Variants in CDKL1 observed in about 807,000 individuals in gnomAD.
CDKL1 encodes cyclin-dependent kinase-like 1.
Under a neutral mutation model 42.0 loss-of-function variants are expected in CDKL1, and 41 were observed. The observed-to-expected ratio is 0.98, with a 90% CI of 0.76 to 1.27. The LOEUF is 1.27. Ranked by LOEUF, CDKL1 falls within the 50% of genes most tolerant of loss-of-function variation. The pLI, the probability that CDKL1 is intolerant of heterozygous loss-of-function variation, is 0.00. For missense variants in CDKL1, 394 were observed against 428.4 expected, an observed-to-expected ratio of 0.92 and a Z score of 0.71; for synonymous variants, 153 against 158.6, an observed-to-expected ratio of 0.96 and a Z score of 0.26.
chr14:50,359,011 A>G lies in CDKL1; in HGVS notation c.290+17T>C. Reference sequence around the variant, plus strand: ...CCAGTGTGTCTTTGTTTTGCTTGTAAGGGATGGATCACTCACCCTCTTTGG... The same window carrying G: ...CCAGTGTGTCTTTGTTTTGCTTGTAGGGGATGGATCACTCACCCTCTTTGG... On this transcript the variant is annotated intron_variant, in intron 3 of 9. Coordinates refer to ENST00000395834, the MANE Select transcript of CDKL1 (RefSeq NM_004196.7). The G allele has an allele frequency of 6.2e-7, 1 of 1,603,302 alleles. No individual in the cohort carries two copies. Among genetic ancestry groups the G allele is most frequent in the Non-Finnish European group, 8.5e-7 (1 of 1,173,690 alleles).
At chr14:50,358,636 C>CTTTTTTTTATTTTTTTTTTTTT (rs2034135163) in intron 3 of CDKL1, among the ~76,000 whole-genome samples, 1 of 67,646 alleles carries the variant, frequency 1.5e-5, no homozygotes, top group Non-Finnish European at 2.8e-5. Context: ...TTTAACTAGT[C>CTTTTTTTTATTTTTTTTTTTTT]TTTTTTTTTT....
chr14:50,368,840 T>G (rs1032859086), intron 2 of CDKL1, among the ~76,000 whole-genome samples: 1 of 151,778 alleles, frequency 6.6e-6, no homozygotes, highest in Non-Finnish European at 1.5e-5. Flanking sequence ...CATGAGATTT[T>G]GAAGAATTTT....
intron 4 of CDKL1, 87 bp from the exon 5 acceptor site, chr14:50,342,309 GA>G: frequency 6.7e-7 from 1 of 1,490,322 alleles, no homozygotes; most frequent in African/African-American, 1.4e-5. Context: ...GCAAATATTG[GA>G]TAAATCATTT....
At chr14:50,396,624 G>C (rs1408762745) in intron 1 of CDKL1, 200 bp downstream of exon 1, 1 of 235,326 alleles carries the variant, frequency 4.2e-6, no homozygotes, top group Non-Finnish European at 6.9e-6. Context: ...CCTGCGGCAA[G>C]AAGACACCTC....
In CDKL1 at chr14:50,342,052, T is replaced by G; in HGVS notation, c.454+80A>C. Reference sequence around the variant, plus strand: ...AATATACAAGTACTATCTTGTATACTTCTAGAGCATTTAGATCCTTTGTTG... The same window carrying G: ...AATATACAAGTACTATCTTGTATACGTCTAGAGCATTTAGATCCTTTGTTG... On this transcript the variant is annotated intron_variant, in intron 5 of 9. Coordinates refer to ENST00000395834, the MANE Select transcript of CDKL1 (RefSeq NM_004196.7). 5 of 1,118,924 alleles carry G rather than the reference T, an allele frequency of 4.5e-6. No homozygotes were observed. In the South Asian group the frequency reaches 6.4e-5, roughly 14 times the overall value. 69.3% of individuals were successfully genotyped at this position (1,118,924 alleles called of 1,614,324 possible). A position where few individuals can be genotyped will look rare whatever the true frequency, so the allele number is the denominator to read the frequency against.
At position 50,332,424 on chromosome 14, in the gene CDKL1, G is replaced by C. The variant is rs895347420; in HGVS notation, c.804C>G (p.Leu268=). 2 of 1,608,446 alleles carry C rather than the reference G, an allele frequency of 1.2e-6. No individual in the cohort carries two copies. Among genetic ancestry groups the C allele is most frequent in the Non-Finnish European group, 1.7e-6 (2 of 1,178,494 alleles). Residue 268 remains leucine (L), a synonymous_variant, in exon 9 of 10, where the codon CTC becomes CTG. Coordinates refer to ENST00000395834, the MANE Select transcript of CDKL1 (RefSeq NM_004196.7). The part of the protein sequence containing the change: ...YPALGLLKGC[L]HMDPTQRLTC... ...TCAGCCTTTGAGTAGGGTCCATGTGGAGACAGCCCTAAAAGAACAGAAAAT... is the reference window on the plus strand; with the variant it reads ...TCAGCCTTTGAGTAGGGTCCATGTGCAGACAGCCCTAAAAGAACAGAAAAT...
chr14:50,380,230 A>G (rs2034865278), intron 2 of CDKL1: 1 of 532,462 alleles, frequency 1.9e-6, no homozygotes, highest in African/African-American at 1.9e-5. Context: ...ATCCGAAGCA[A>G]AACTGCATCC....
intron 9 of CDKL1, chr14:50,331,956 A>G: frequency 7.4e-7 from 1 of 1,358,562 alleles, no homozygotes; most frequent in South Asian, 1.5e-5. Flanking sequence ...TCATTTTCCA[A>G]AGCCCAAAAA....
intron 4 of CDKL1, chr14:50,342,934 T>C (rs1367345677): frequency 7.4e-7 from 1 of 1,354,246 alleles, no homozygotes; most frequent in South Asian, 1.2e-5. Context: ...AGATGTCAGC[T>C]CTGTCCCACA....
chr14:50,346,657 T>G (rs985897762), intron 3 of CDKL1, among the ~76,000 whole-genome samples: 1 of 144,448 alleles, frequency 6.9e-6, no homozygotes, highest in African/African-American at 2.5e-5. Context: ...TTTTGGTTTT[T>G]TTTTTTTTTT....
Position 50,332,446 on chromosome 14 carries a change from A to T in CDKL1, c.796-14T>A, listed in dbSNP as rs749638099. The T allele has an allele frequency of 6.3e-6, 10 of 1,583,258 alleles. No homozygotes were observed. The Middle Eastern group carries it at 5.1e-4, about 81-fold the overall frequency. On this transcript the variant is annotated splice_polypyrimidine_tract_variant and intron_variant, in intron 8 of 9. Coordinates refer to ENST00000395834, the MANE Select transcript of CDKL1 (RefSeq NM_004196.7). ...GTGGAGACAGCCCTAAAAGAACAGA[A>T]AATTCCTTCTTCTTACTTCTTCAAA...
intron 3 of CDKL1, among the ~76,000 whole-genome samples, chr14:50,345,645 T>G (rs369376247): frequency 2.0e-5 from 3 of 152,352 alleles, no homozygotes; most frequent in East Asian, 3.9e-4. Flanking sequence ...AGATCTGCCC[T>G]ACCAGGGTCT....
At chr14:50,385,068 CTCAAAAAAAAAAAAAAAA>C (rs1566609387) in intron 2 of CDKL1, among the ~76,000 whole-genome samples, 1 of 56,108 alleles carries the variant, frequency 1.8e-5, no homozygotes, top group East Asian at 6.3e-4. Context: ...AAGACTCTGT[CTCAAAAAAAAAAAAAAAA>C]AAAAAAAAAA....
chr14:50,340,755 T>C (rs1419764162), intron 6 of CDKL1, among the ~76,000 whole-genome samples: 4 of 152,254 alleles, frequency 2.6e-5, no homozygotes, highest in African/African-American at 9.6e-5. Context: ...GTTTTTATTG[T>C]TGTTATTGTC....
At chr14:50,384,141 A>G (rs2035004542) in intron 2 of CDKL1, among the ~76,000 whole-genome samples, 2 of 152,288 alleles carry the variant, frequency 1.3e-5, no homozygotes, top group Middle Eastern at 3.4e-3. Context: ...TTTGTCTCCT[A>G]TGCTACTGAC....
At chr14:50,331,991 A>T (rs2139355888) in intron 9 of CDKL1, 1 of 1,513,154 alleles carries the variant, frequency 6.6e-7, no homozygotes. Context: ...ACTCATACTC[A>T]TGTACCTTGT....
intron 3 of CDKL1, among the ~76,000 whole-genome samples, chr14:50,354,185 C>T (rs2033988340): frequency 6.6e-6 from 1 of 152,124 alleles, no homozygotes; most frequent in Admixed American, 6.5e-5. Context: ...GAACTCCTGA[C>T]CTTAAGTGAT....
chr14:50,338,936 G>A lies in CDKL1; in HGVS notation c.738+11C>T, dbSNP rs1409113424. On this transcript the variant is annotated intron_variant, in intron 7 of 9. Coordinates refer to ENST00000395834, the MANE Select transcript of CDKL1 (RefSeq NM_004196.7). ...TGGCCTACAGAGCTCTCTCCAAAAT[G>A]GGTAACTCACCATATCTTCAGGGTC... 2.5e-6 allele frequency: 4 copies of A among 1,571,768 alleles called. No individual in the cohort carries two copies. The highest frequency in any genetic ancestry group is 1.7e-4 in the Middle Eastern group (1 of 6,008).
intron 2 of CDKL1, among the ~76,000 whole-genome samples, chr14:50,390,741 T>G (rs2035233015): frequency 6.6e-6 from 1 of 152,256 alleles, no homozygotes; most frequent in Non-Finnish European, 1.5e-5. Flanking sequence ...AGGGGCTGCA[T>G]GGAGTTCAAG....
Sources: allele counts gnomAD v4.1 joint callset (sites outside exome capture counted in the v4.1 genomes callset), GRCh38; gene constraint gnomAD v4.1.1; transcripts MANE v1.5; gene names NCBI Gene and HGNC (gene_info 2026-07-23, HGNC 2026-07-21).